ITGA4: variants seen among roughly 807,000 people sequenced by gnomAD.
ITGA4 encodes the protein integrin alpha-4.
A neutral mutation model predicts 133.6 loss-of-function variants in ITGA4; 63 were observed. The ratio of observed to expected loss-of-function variants is 0.47; its 90% CI spans 0.38 to 0.58. The LOEUF is 0.58. ITGA4 is among the 20% of genes least tolerant of loss of function. The pLI is 0.00. For missense variants in ITGA4, 1,076 were observed against 1,252.7 expected (o/e 0.86, Z 2.13); for synonymous variants, 483 against 438.0 (o/e 1.10, Z -1.28).
intron 2 of ITGA4, among the ~76,000 whole-genome samples, chr2:181,461,405 T>C (rs1685274365): frequency 6.6e-6 from 1 of 151,626 alleles, no homozygotes; most frequent in Admixed American, 6.6e-5. Flanking sequence ...CAGAGGAAAG[T>C]GGTCTCTCTG....
At chr2:181,521,059 T>C (rs894962138) in intron 17 of ITGA4, among the ~76,000 whole-genome samples, 1 of 151,964 alleles carries the variant, frequency 6.6e-6, no homozygotes, top group Non-Finnish European at 1.5e-5. Context: ...TTAAACATTA[T>C]TGAAGAAACT....
At chr2:181,471,940 T>C (rs1685561909) in intron 2 of ITGA4, among the ~76,000 whole-genome samples, 1 of 152,194 alleles carries the variant, frequency 6.6e-6, no homozygotes, top group African/African-American at 2.4e-5. Flanking sequence ...CCCAGGACTT[T>C]GGTGAGACTA....
At position 181,523,343 on chromosome 2, in the gene ITGA4, G is replaced by T. The variant is rs1415940326; in HGVS notation, c.2074-94G>T. 1 of 713,334 alleles carries T rather than the reference G, an allele frequency of 1.4e-6. No individual in the cohort carries two copies. Among genetic ancestry groups the T allele is most frequent in the Non-Finnish European group, 2.5e-6 (1 of 401,940 alleles). 44.2% of individuals were successfully genotyped at this position (713,334 alleles called of 1,614,324 possible). A position where few individuals can be genotyped will look rare whatever the true frequency, so the allele number is the denominator to read the frequency against. On this transcript the variant is annotated intron_variant, in intron 18 of 27. Transcript: ENST00000397033. This position sits in a 1 kb window ranked among gnomAD's most constrained non-coding sequence, Gnocchi z 4.2. ...TTTCCTAGAAAAGCAAATACTTCTG[G>T]GATGATATTCTTTTCAATAACCATC...
intron 4 of ITGA4, among the ~76,000 whole-genome samples, chr2:181,478,334 A>G (rs1280328376): frequency 6.6e-6 from 1 of 152,076 alleles, no homozygotes; most frequent in Non-Finnish European, 1.5e-5. Context: ...AAGAGAGTAG[A>G]TTTCACTCTA....
intron 4 of ITGA4, among the ~76,000 whole-genome samples, chr2:181,478,033 T>G (rs564285335): frequency 2.2e-4 from 34 of 152,178 alleles, no homozygotes; most frequent in African/African-American, 7.9e-4. Flanking sequence ...CAATGGAGTA[T>G]TATTCAGCCT....
intron 2 of ITGA4, among the ~76,000 whole-genome samples, chr2:181,460,797 CTG>C (rs964700416): frequency 6.6e-6 from 1 of 151,684 alleles, no homozygotes; most frequent in African/African-American, 2.4e-5. Context: ...AATTGATAAA[CTG>C]AACCAAAAGT....
chr2:181,524,079 C>T, intron 19 of ITGA4, 92 bp from the exon 20 acceptor site: 1 of 768,888 alleles, frequency 1.3e-6, no homozygotes, highest in South Asian at 1.7e-5. Context: ...TTCTACATTC[C>T]ATAGAACATA....
At position 181,522,253 on chromosome 2, in the gene ITGA4, C is replaced by G. The variant is rs777879526; in HGVS notation, c.1985C>G (p.Ser662Cys). ...ATGAAGACATTGATGTTGAATGTGT[C>G]CTTGTTTAATGCTGGAGATGATGCA... ...GSMKTLMLNV[S>C]LFNAGDDAYE... The change falls in exon 18 of 28, where the codon TCC becomes TGC. Residue 662 changes from serine to cysteine, a missense_variant. Coordinates refer to ENST00000397033, the MANE Select transcript of ITGA4 (RefSeq NM_000885.6). The G allele has an allele frequency of 1.9e-6, 3 of 1,606,980 alleles. No individual in the cohort carries two copies. The highest frequency in any genetic ancestry group is 2.6e-6 in the Non-Finnish European group (3 of 1,174,168).
At chr2:181,476,710 A>G (rs1685684715) in intron 4 of ITGA4, among the ~76,000 whole-genome samples, 1 of 152,178 alleles carries the variant, frequency 6.6e-6, no homozygotes, top group Non-Finnish European at 1.5e-5. Context: ...AAGACATGGA[A>G]TCAACCTAAA....
intron 2 of ITGA4, among the ~76,000 whole-genome samples, chr2:181,467,545 G>A (rs770907254): frequency 4.6e-5 from 7 of 152,130 alleles, no homozygotes; most frequent in Non-Finnish European, 8.8e-5. Flanking sequence ...TTCTTTAGTG[G>A]AAATGCCAAA....
At chr2:181,534,223 G>C (rs1294547437) in intron 25 of ITGA4, 49 bp from the exon 26 acceptor site, 2 of 1,101,216 alleles carry the variant, frequency 1.8e-6, no homozygotes, top group South Asian at 2.6e-5. Context: ...GATAAATTAT[G>C]TCTTTATGAA....
intron 5 of ITGA4, chr2:181,479,841 T>A (rs1271246446): frequency 1.1e-5 from 2 of 178,434 alleles, no homozygotes; most frequent in Non-Finnish European, 2.3e-5. Flanking sequence ...CCACATTGCC[T>A]TTCTCCCAAA....
chr2:181,490,889 TG>T (rs1686038540), intron 10 of ITGA4, among the ~76,000 whole-genome samples: 1 of 152,178 alleles, frequency 6.6e-6, no homozygotes, highest in Non-Finnish European at 1.5e-5. Flanking sequence ...ACTAAAAGAA[TG>T]AAATAAAATG....
chr2:181,468,107 T>C (rs1036413205), intron 2 of ITGA4, among the ~76,000 whole-genome samples: 1 of 152,212 alleles, frequency 6.6e-6, no homozygotes, highest in Non-Finnish European at 1.5e-5. Flanking sequence ...ACGTCACACA[T>C]ATCTCATTTA....
intron 15 of ITGA4, among the ~76,000 whole-genome samples, chr2:181,508,365 A>G (rs942065952): frequency 6.6e-6 from 1 of 152,036 alleles, no homozygotes; most frequent in African/African-American, 2.4e-5. Context: ...TAAATTCAAG[A>G]GTTCTTTGTG....
rs1219808327 is a variant in ITGA4, at chr2:181,536,362, TGTGA to T, written c.*839_*842del. On this transcript the variant is annotated 3_prime_UTR_variant, in exon 28 of 28. Coordinates refer to ENST00000397033, the MANE Select transcript of ITGA4 (RefSeq NM_000885.6). The stretch of plus-strand genomic sequence containing the variant: ...TTTGTTATATTCTGAAACAAAAGAT[TGTGA>T]GTGTTGCACTTTACCTGATACACGC... Among the ~76,000 whole-genome samples the T allele has an allele frequency of 6.8e-6, 1 of 147,702 alleles. No homozygotes were observed.
chr2:181,504,333 T>TG (rs1686346786), intron 15 of ITGA4, among the ~76,000 whole-genome samples: 1 of 152,104 alleles, frequency 6.6e-6, no homozygotes, highest in South Asian at 2.1e-4. Flanking sequence ...TATTTTGTTA[T>TG]GTAAATCTTT....
Position 181,457,718 on chromosome 2 carries a change from C to A in ITGA4, c.64C>A (p.Leu22Met). The A allele has an allele frequency of 6.2e-7, 1 of 1,612,716 alleles. No individual in the cohort carries two copies. The highest frequency in any genetic ancestry group is 1.1e-5 in the South Asian group (1 of 90,910). The change falls in exon 1 of 28, where the codon CTG (leucine) becomes ATG (methionine). Residue 22 changes from leucine (L) to methionine (M), a missense_variant. By Grantham distance (15) the Leu-to-Met change is conservative. Around this residue, in one of 4 missense-constraint regions of ITGA4, gnomAD observed 82 missense variants for 68.3 expected, o/e 1.20. Coordinates refer to ENST00000397033, the MANE Select transcript of ITGA4 (RefSeq NM_000885.6). ...GGCCGCCGTCCGGGAGACGGTGATG[C>A]TGTTGCTGTGCCTGGGGGTCCCGAC... Reference protein sequence around the residue: ...RRAAVRETVMLLLCLGVPTGR... With the variant: ...RRAAVRETVMMLLCLGVPTGR...
At chr2:181,534,391 G>A (rs1448045476) in intron 26 of ITGA4, 21 bp downstream of exon 26, 2 of 1,293,620 alleles carry the variant, frequency 1.5e-6, no homozygotes, top group Non-Finnish European at 2.2e-6. Flanking sequence ...CCTCTTAACT[G>A]CTACATTAAA....
Sources: gnomAD v4.1 joint callset for allele counts (sites outside exome capture counted in the v4.1 genomes callset) on GRCh38, gnomAD v4.1.1 for gene constraint, gnomAD v4.1.1 regional missense constraint, Gnocchi (gnomAD v3.1) non-coding constraint, MANE v1.5 for transcripts, NCBI Gene and HGNC (gene_info 2026-07-23, HGNC 2026-07-21) for gene names.